KCNQ5: variants seen among roughly 807,000 people sequenced by gnomAD.
The protein encoded by KCNQ5 is potassium voltage-gated channel subfamily KQT member 5.
A neutral mutation model predicts 98.2 loss-of-function variants in KCNQ5; 30 were observed. The observed-to-expected ratio is 0.31, with a 90% CI of 0.23 to 0.41. KCNQ5 has a LOEUF of 0.41. Ranked by LOEUF, KCNQ5 falls within the 10% of genes least tolerant of loss-of-function variation. KCNQ5 has a pLI of 1.00. For missense variants in KCNQ5, 835 were observed against 1,182.5 expected (o/e 0.71, Z 4.31); for synonymous variants, 458 against 449.4 (o/e 1.02, Z -0.24).
At chr6:72,721,511 T>G (rs2154475379) in intron 1 of KCNQ5, among the ~76,000 whole-genome samples, 1 of 152,202 alleles carries the variant, frequency 6.6e-6, no homozygotes, top group Non-Finnish European at 1.5e-5. Flanking sequence ...TTTCCCAAAC[T>G]GTGGTCTTGG....
At chr6:73,180,867 A>G (rs1216544858) in intron 11 of KCNQ5, among the ~76,000 whole-genome samples, 2 of 152,066 alleles carry the variant, frequency 1.3e-5, no homozygotes, top group South Asian at 2.1e-4. Flanking sequence ...GCCCTTGCAC[A>G]TGGTTTGGCT....
chr6:72,838,876 G>A (rs1055294770), intron 1 of KCNQ5, among the ~76,000 whole-genome samples: 21 of 148,266 alleles, frequency 1.4e-4, no homozygotes, highest in African/African-American at 5.2e-4. Context: ...CGTGAACCCG[G>A]GAGGCGGAGC....
chr6:72,700,855 A>AG (rs1768770993), intron 1 of KCNQ5, among the ~76,000 whole-genome samples: 1 of 152,214 alleles, frequency 6.6e-6, no homozygotes. Context: ...CCCATCCCTC[A>AG]GCTAAGCCTC....
At chr6:73,015,849 T>C (rs1770312914) in intron 2 of KCNQ5, among the ~76,000 whole-genome samples, 1 of 152,120 alleles carries the variant, frequency 6.6e-6, no homozygotes, top group African/African-American at 2.4e-5. Context: ...TTTCCATCAT[T>C]TGAAACCTGG....
At chr6:72,809,986 A>C (rs944173569) in intron 1 of KCNQ5, among the ~76,000 whole-genome samples, 1 of 152,154 alleles carries the variant, frequency 6.6e-6, no homozygotes, top group Non-Finnish European at 1.5e-5. Context: ...TGTGACTTTT[A>C]ATGGGCCCTG....
At chr6:73,095,776 C>A (rs1326282741) in intron 5 of KCNQ5, among the ~76,000 whole-genome samples, 1 of 152,172 alleles carries the variant, frequency 6.6e-6, no homozygotes, top group Non-Finnish European at 1.5e-5. Context: ...TGTGAACCAT[C>A]TGTGGGTTTC....
intron 1 of KCNQ5, among the ~76,000 whole-genome samples, chr6:72,680,506 A>G (rs1055235675): frequency 3.3e-5 from 5 of 152,216 alleles, no homozygotes; most frequent in African/African-American, 1.2e-4. Flanking sequence ...CATCCATGCT[A>G]GTTTCCAACT....
chr6:73,078,006 A>G (rs1773604232), intron 5 of KCNQ5, 119 bp downstream of exon 5: 4 of 819,934 alleles, frequency 4.9e-6, no homozygotes, highest in Non-Finnish European at 7.1e-6. Context: ...AGAGAGTTAT[A>G]TGGAAAATAA....
At chr6:72,758,471 C>A (rs1772088538) in intron 1 of KCNQ5, among the ~76,000 whole-genome samples, 1 of 151,982 alleles carries the variant, frequency 6.6e-6, no homozygotes. Flanking sequence ...AGCAGATAAT[C>A]CAAGGGAGAG....
At chr6:72,644,000 A>G (rs1313969611) in intron 1 of KCNQ5, among the ~76,000 whole-genome samples, 1 of 152,152 alleles carries the variant, frequency 6.6e-6, no homozygotes, top group Non-Finnish European at 1.5e-5. Flanking sequence ...GACATGGTAT[A>G]GCATGATTTC....
At chr6:72,623,331 G>T (rs1399500054) in intron 1 of KCNQ5, among the ~76,000 whole-genome samples, 1 of 151,322 alleles carries the variant, frequency 6.6e-6, no homozygotes, top group African/African-American at 2.4e-5. Flanking sequence ...GCGCAAATGG[G>T]TCGCCTCTGA....
chr6:72,704,714 G>A (rs1406311753), intron 1 of KCNQ5, among the ~76,000 whole-genome samples: 2 of 151,872 alleles, frequency 1.3e-5, no homozygotes, highest in African/African-American at 4.8e-5. Flanking sequence ...AACATGGAAT[G>A]TTACTATCTG....
At chr6:73,144,643 A>G (rs78134298) in intron 10 of KCNQ5, among the ~76,000 whole-genome samples, 9,677 of 152,262 alleles carry the variant, frequency 0.064, 406 homozygotes, top group African/African-American at 0.12. Flanking sequence ...GTGGCTTAAA[A>G]CAGCAACCAT....
intron 10 of KCNQ5, among the ~76,000 whole-genome samples, chr6:73,154,974 T>C (rs943229837): frequency 6.6e-6 from 1 of 152,072 alleles, no homozygotes; most frequent in African/African-American, 2.4e-5. Context: ...CCTGCCCTCA[T>C]GGAGCTCACT....
At chr6:72,959,817 A>G (rs977782879) in intron 1 of KCNQ5, among the ~76,000 whole-genome samples, 1 of 152,224 alleles carries the variant, frequency 6.6e-6, no homozygotes, top group Non-Finnish European at 1.5e-5. Context: ...TCACGACACA[A>G]TTCAAACCTA....
At chr6:73,010,385 A>G (rs56752027) in intron 2 of KCNQ5, among the ~76,000 whole-genome samples, 8,159 of 152,082 alleles carry the variant, frequency 0.054, 747 homozygotes, top group African/African-American at 0.19. Flanking sequence ...AAAGCCACAT[A>G]TGAAAAACCT....
chr6:72,661,693 T>C (rs1766532800), intron 1 of KCNQ5, among the ~76,000 whole-genome samples: 1 of 152,144 alleles, frequency 6.6e-6, no homozygotes, highest in Non-Finnish European at 1.5e-5. Flanking sequence ...ACATGAAGAT[T>C]GGTATTTAAA....
At chr6:72,827,811 T>C (rs1033762189) in intron 1 of KCNQ5, among the ~76,000 whole-genome samples, 5 of 151,874 alleles carry the variant, frequency 3.3e-5, no homozygotes, top group African/African-American at 1.2e-4. Flanking sequence ...CCCAGTCCAA[T>C]GTCCTGAACT....
chr6:72,904,898 C>T (rs1193016767), intron 1 of KCNQ5, among the ~76,000 whole-genome samples: 1 of 152,106 alleles, frequency 6.6e-6, no homozygotes, highest in Non-Finnish European at 1.5e-5. Flanking sequence ...CTTTGTGCTT[C>T]TTGTATTTGT....
Sources: allele counts gnomAD v4.1 joint callset (sites outside exome capture counted in the v4.1 genomes callset), GRCh38; gene constraint gnomAD v4.1.1; transcripts MANE v1.5; gene names NCBI Gene and HGNC (gene_info 2026-07-23, HGNC 2026-07-21).